CELF4: variants seen among roughly 807,000 people sequenced by gnomAD.
The protein encoded by CELF4 is CUGBP Elav-like family member 4.
In CELF4, 18 loss-of-function variants were observed where a neutral mutation model predicts 59.9. The observed-to-expected ratio is 0.30, with a 90% CI of 0.21 to 0.45. The LOEUF is 0.45. CELF4 is among the 20% of genes least tolerant of loss of function. CELF4 has a pLI of 1.00. For synonymous variants in CELF4, 261 were observed against 267.1 expected, an observed-to-expected ratio of 0.98 and a Z score of 0.22; for missense variants, 456 against 689.0, an observed-to-expected ratio of 0.66 and a Z score of 3.79.
intron 12 of CELF4, among the ~76,000 whole-genome samples, chr18:37,251,539 T>TATCC (rs1207522987): frequency 2.0e-5 from 3 of 152,200 alleles, no homozygotes; most frequent in Non-Finnish European, 4.4e-5. Flanking sequence ...GCCTGATTCA[T>TATCC]ATCCCCCTAA....
rs939704473 is a variant in CELF4, at chr18:37,502,428, G to A, written c.287-16821C>T. On this transcript the variant is annotated intron_variant, in intron 1 of 12. Transcript: ENST00000420428. ...GAGAGTGGGAGGGAGAAAGGAGAGG[G>A]AGGGCTCTGCTTCTTTTCTTCCTCC... Among the ~76,000 whole-genome samples, 3 of 152,128 alleles carry A rather than the reference G, an allele frequency of 2.0e-5. 1 individual carries two copies. Among genetic ancestry groups the A allele is most frequent in the African/African-American group, 7.2e-5 (3 of 41,424 alleles).
intron 1 of CELF4, among the ~76,000 whole-genome samples, chr18:37,545,570 TCCCTGGG>T (rs2099980916): frequency 6.6e-6 from 1 of 152,146 alleles, no homozygotes; most frequent in Non-Finnish European, 1.5e-5. Context: ...AGACAGCATC[TCCCTGGG>T]CCCCACTCTG....
chr18:37,354,273 G>A (rs1022236675), intron 2 of CELF4, among the ~76,000 whole-genome samples: 1 of 152,112 alleles, frequency 6.6e-6, no homozygotes, highest in Non-Finnish European at 1.5e-5. Flanking sequence ...CTAGGTGAGT[G>A]ACCTTCCAGG....
In CELF4 at chr18:37,463,453, C is replaced by A. The variant is rs563430451; in HGVS notation, c.369+22072G>T. Among the ~76,000 whole-genome samples, 4 of 152,324 alleles carry A rather than the reference C, an allele frequency of 2.6e-5. No individual in the cohort carries two copies. The South Asian group carries it at 8.3e-4, about 32-fold the overall frequency. ...TGGGGTCCCTACCAAACCCCGTGAT[C>A]AACTTTGAAATGATTCTTCCCAATT... On this transcript the variant is annotated intron_variant, in intron 2 of 12. Coordinates refer to ENST00000420428, the MANE Select transcript of CELF4 (RefSeq NM_020180.4).
At chr18:37,470,870 GTGTGT>G (rs2099819423) in intron 2 of CELF4, among the ~76,000 whole-genome samples, 7 of 124,940 alleles carry the variant, frequency 5.6e-5, no homozygotes, top group African/African-American at 2.2e-4. Context: ...GTGTGTGTGT[GTGTGT>G]GTGTGTGTGT....
intron 2 of CELF4, among the ~76,000 whole-genome samples, chr18:37,406,006 C>T (rs923145590): frequency 2.0e-5 from 3 of 152,208 alleles, no homozygotes; most frequent in African/African-American, 7.2e-5. Context: ...ATCTGCAGCT[C>T]TCTTTCTCTC....
chr18:37,407,219 C>A (rs1385320421), intron 2 of CELF4, among the ~76,000 whole-genome samples: 1 of 152,134 alleles, frequency 6.6e-6, no homozygotes, highest in African/African-American at 2.4e-5. Context: ...AAGTTGGGCA[C>A]ACGGGAAACT....
chr18:37,266,257 G>A, intron 9 of CELF4: 1 of 559,126 alleles, frequency 1.8e-6, no homozygotes, highest in South Asian at 2.0e-5. Flanking sequence ...GGGAAATCTG[G>A]CCTCAAAGAC....
chr18:37,353,233 A>AAAAAAATATATATATATATAT (rs71168258), intron 2 of CELF4, among the ~76,000 whole-genome samples: 8 of 106,962 alleles, frequency 7.5e-5, no homozygotes, highest in Non-Finnish European at 1.5e-4. Context: ...AAAAAAAAAA[A>AAAAAAATATATATATATATAT]ATATATATAT....
At chr18:37,312,568 A>G (rs2096715709) in intron 3 of CELF4, among the ~76,000 whole-genome samples, 1 of 152,174 alleles carries the variant, frequency 6.6e-6, no homozygotes, top group Non-Finnish European at 1.5e-5. Flanking sequence ...ATGCCCACCT[A>G]TAGCTTGAGA....
At chr18:37,555,904 ATG>A (rs973751341) in intron 1 of CELF4, among the ~76,000 whole-genome samples, 2 of 152,100 alleles carry the variant, frequency 1.3e-5, no homozygotes, top group Non-Finnish European at 2.9e-5. Context: ...TGGTGAATGT[ATG>A]TGTGTGTATG....
At chr18:37,281,794 A>C (rs2094171598) in intron 3 of CELF4, among the ~76,000 whole-genome samples, 1 of 152,156 alleles carries the variant, frequency 6.6e-6, no homozygotes, top group African/African-American at 2.4e-5. Context: ...GGGTCATCCC[A>C]TGCAGTGGCC....
intron 1 of CELF4, among the ~76,000 whole-genome samples, chr18:37,561,122 T>C (rs1370565230): frequency 6.6e-6 from 1 of 152,180 alleles, no homozygotes; most frequent in East Asian, 1.9e-4. Flanking sequence ...CCCACACTTC[T>C]GGATGTAGTG....
chr18:37,394,117 C>T (rs933491359), intron 2 of CELF4, among the ~76,000 whole-genome samples: 67 of 152,186 alleles, frequency 4.4e-4, no homozygotes, highest in African/African-American at 1.6e-3. Context: ...GGCAGATGCT[C>T]GGGGACCGGC....
At chr18:37,317,636 A>G (rs1448296546) in intron 3 of CELF4, among the ~76,000 whole-genome samples, 14 of 152,060 alleles carry the variant, frequency 9.2e-5, no homozygotes, top group Admixed American at 9.2e-4. Context: ...AGCCAGCTCC[A>G]CTTCCCTCTG....
At chr18:37,548,779 C>T (rs955292299) in intron 1 of CELF4, among the ~76,000 whole-genome samples, 2 of 152,344 alleles carry the variant, frequency 1.3e-5, no homozygotes, top group Admixed American at 6.5e-5. Context: ...GGACACTGGT[C>T]CGTGCGGGAG....
At chr18:37,498,823 T>G (rs1449497855) in intron 1 of CELF4, among the ~76,000 whole-genome samples, 1 of 152,072 alleles carries the variant, frequency 6.6e-6, no homozygotes, top group Non-Finnish European at 1.5e-5. Context: ...AGCCTCTGCT[T>G]TCTTCTGGGA....
intron 3 of CELF4, among the ~76,000 whole-genome samples, chr18:37,282,073 C>A (rs1277781579): frequency 6.6e-6 from 1 of 152,170 alleles, no homozygotes; most frequent in Admixed American, 6.5e-5. Flanking sequence ...ACTCCCCAGG[C>A]AGGTCTGGAA....
chr18:37,512,213 C>G (rs1027715335), intron 1 of CELF4, among the ~76,000 whole-genome samples: 29 of 152,168 alleles, frequency 1.9e-4, no homozygotes, highest in Admixed American at 3.9e-4. Context: ...CTTCAGCCAC[C>G]TTTCTTGTTT....
Sources: allele counts gnomAD v4.1 joint callset (sites outside exome capture counted in the v4.1 genomes callset), GRCh38; gene constraint gnomAD v4.1.1; transcripts MANE v1.5; gene names NCBI Gene and HGNC (gene_info 2026-07-23, HGNC 2026-07-21).